Variants in HMCN2 observed in about 807,000 individuals in gnomAD.
HMCN2 encodes the protein hemicentin 2.
In HMCN2, 325 loss-of-function variants were observed where a neutral mutation model predicts 377.5. The ratio of observed to expected loss-of-function variants is 0.86; its 90% CI spans 0.79 to 0.94. HMCN2 has a LOEUF of 0.94. Among genes scored for constraint, HMCN2 ranks in the 40% least tolerant of loss-of-function variants. The pLI, the probability that HMCN2 is intolerant of heterozygous loss-of-function variation, is 0.00. For synonymous variants in HMCN2, 2,007 were observed against 2,046.8 expected, an observed-to-expected ratio of 0.98 and a Z score of 0.53; for missense variants, 4,543 against 4,725.3, an observed-to-expected ratio of 0.96 and a Z score of 1.13.
In HMCN2 at chr9:130,407,615, G is replaced by A. The variant is rs992258449; in HGVS notation, c.12598G>A (p.Ala4200Thr). 14 of 1,288,582 alleles carry A rather than the reference G, an allele frequency of 1.1e-5. No individual in the cohort carries two copies. The highest frequency in any genetic ancestry group is 3.7e-5 in the South Asian group (3 of 80,952). The allele number at this position is 1,288,582 out of a possible 1,614,324, so 79.8% of individuals were successfully genotyped here. The change falls in exon 83 of 98, where the codon GCT becomes ACT. Residue 4200 changes from alanine (A) to threonine (T), a missense_variant. Ala to Thr is a moderately conservative substitution (Grantham distance 58). Around this residue, in one of 5 missense-constraint regions of HMCN2, gnomAD observed 1,073 missense variants for 1,319.5 expected, o/e 0.81. Transcript: ENST00000683500. ...TGGAGGCAGCACGCTGCAGCGGGCC[G>A]CTGTCTCCAGAGAAGACAGCGGGAC... ...QDGGSTLQRA[A>T]VSREDSGTYV...
At chr9:130,384,033 C>T (rs1032284042) in intron 57 of HMCN2, among the ~76,000 whole-genome samples, 4 of 152,188 alleles carry the variant, frequency 2.6e-5, no homozygotes, top group African/African-American at 9.7e-5. Flanking sequence ...ATGACGTACA[C>T]CGCACTGCAG....
intron 23 of HMCN2, among the ~76,000 whole-genome samples, chr9:130,340,592 T>C (rs1838992641): frequency 6.7e-6 from 1 of 149,854 alleles, no homozygotes; most frequent in Non-Finnish European, 1.5e-5. Flanking sequence ...CAATCTCAGC[T>C]CACTGTAACC....
At chr9:130,402,967 G>A (rs1842926266) in intron 78 of HMCN2, 71 bp downstream of exon 78, 1 of 1,197,194 alleles carries the variant, frequency 8.4e-7, no homozygotes, top group African/African-American at 1.6e-5. Context: ...GAGGCAGGTG[G>A]GGCTCAGGAT....
intron 34 of HMCN2, among the ~76,000 whole-genome samples, chr9:130,356,973 G>C (rs959668991): frequency 6.6e-6 from 1 of 151,906 alleles, no homozygotes; most frequent in Admixed American, 6.6e-5. Flanking sequence ...TGGATGGATG[G>C]ATGGATGGAA....
intron 15 of HMCN2, among the ~76,000 whole-genome samples, chr9:130,315,834 G>C (rs1387393384): frequency 1.3e-5 from 2 of 152,136 alleles, no homozygotes; most frequent in Non-Finnish European, 2.9e-5. Context: ...TGGGTGGAGA[G>C]AGGAAGGACG....
chr9:130,277,685 CCATCATCATCACCACCACCACCAT>C (rs1834767863), intron 1 of HMCN2, among the ~76,000 whole-genome samples: 2 of 150,602 alleles, frequency 1.3e-5, no homozygotes, highest in East Asian at 1.9e-4. Flanking sequence ...ACTATTACCA[CCATCATCATCACCACCACCACCAT>C]CATCATCACC....
Position 130,393,121 on chromosome 9 carries a change from C to G in HMCN2, c.10137-91C>G, listed in dbSNP as rs1842422502. On this transcript the variant is annotated intron_variant, in intron 66 of 97. Transcript: ENST00000683500. The surrounding 1 kb of genome is among the most constrained non-coding windows in gnomAD (Gnocchi z 5.2). ...GGAAAAGGGAGGAAGTCTTTCCACG[C>G]AGCCAGCCTCTCCTGTCTCTCTCCC... 2.4e-6 allele frequency: 2 copies of G among 831,812 alleles called. No individual in the cohort carries two copies. Among genetic ancestry groups the G allele is most frequent in the Non-Finnish European group, 2.9e-6 (2 of 688,056 alleles). The allele number at this position is 831,812 out of a possible 1,614,324, so 51.5% of individuals were successfully genotyped here.
intron 21 of HMCN2, among the ~76,000 whole-genome samples, chr9:130,327,034 A>C (rs1467182685): frequency 2.0e-5 from 3 of 151,336 alleles, no homozygotes; most frequent in African/African-American, 7.3e-5. Context: ...GAGAAGGCAC[A>C]GACCGTAGGG....
At position 130,394,366 on chromosome 9, in the gene HMCN2, C is replaced by T. The variant is rs747545709; in HGVS notation, c.10502-19C>T. ...GAAATGTGTGTCAATTGTGTGTTCCCCTCCATGGTGGCTTGCAGAGCCCCC... is the reference window on the plus strand; with the variant it reads ...GAAATGTGTGTCAATTGTGTGTTCCTCTCCATGGTGGCTTGCAGAGCCCCC... On this transcript the variant is annotated intron_variant, in intron 68 of 97. Transcript: ENST00000683500. This position sits in a 1 kb window ranked among gnomAD's most constrained non-coding sequence, Gnocchi z 5.1. The T allele has an allele frequency of 2.3e-6, 3 of 1,283,614 alleles. No homozygotes were observed. The highest frequency in any genetic ancestry group is 1.0e-6 in the Non-Finnish European group (1 of 983,744). 79.5% of individuals were successfully genotyped at this position (1,283,614 alleles called of 1,614,324 possible).
chr9:130,301,776 G>A (rs1042494941), intron 8 of HMCN2, among the ~76,000 whole-genome samples: 3 of 152,254 alleles, frequency 2.0e-5, no homozygotes, highest in Admixed American at 1.3e-4. Context: ...CTCTGCTGGC[G>A]GGGATGGGGA....
Position 130,405,935 on chromosome 9 carries a change from A to C in HMCN2, c.12340-20A>C. The stretch of plus-strand genomic sequence containing the variant: ...CCGAGGTGGGGCAGTTCTCCGGCCA[A>C]CCCCTTTCTTTGCTCACAGGGCCAG... On this transcript the variant is annotated intron_variant, in intron 81 of 97. Transcript: ENST00000683500. 7.8e-7 allele frequency: 1 copy of C among 1,277,420 alleles called. No individual in the cohort carries two copies. 79.1% of individuals were successfully genotyped at this position (1,277,420 alleles called of 1,614,324 possible).
At chr9:130,359,077 C>T (rs530958427) in intron 36 of HMCN2, among the ~76,000 whole-genome samples, 40 of 152,168 alleles carry the variant, frequency 2.6e-4, no homozygotes, top group East Asian at 1.9e-3. Context: ...GTGCTGGCGT[C>T]GGCTGTCCTG....
In HMCN2 at chr9:130,357,998, G is replaced by A. The variant is rs1277951939; in HGVS notation, c.5580+10G>A. 1.5e-6 allele frequency: 2 copies of A among 1,299,804 alleles called. No individual in the cohort carries two copies. The highest frequency in any genetic ancestry group is 4.6e-5 in the Admixed American group (2 of 43,274). The allele number at this position is 1,299,804 out of a possible 1,614,324, so 80.5% of individuals were successfully genotyped here. ...TGGGGGGAACCTACAGGTATGTGCA[G>A]GGGCCCCAGGGCTGGCAAGCCAGCT... On this transcript the variant is annotated intron_variant, in intron 35 of 97. Coordinates refer to ENST00000683500, the MANE Select transcript of HMCN2 (RefSeq NM_001291815.2).
At chr9:130,330,277 G>T (rs1838361428) in intron 22 of HMCN2, among the ~76,000 whole-genome samples, 2 of 152,142 alleles carry the variant, frequency 1.3e-5, no homozygotes, top group African/African-American at 4.8e-5. Flanking sequence ...CTCCACGGCA[G>T]CCCCTTCTCC....
chr9:130,432,302 G>C (rs1185028953), intron 96 of HMCN2, 127 bp from the exon 97 acceptor site: 1 of 836,538 alleles, frequency 1.2e-6, no homozygotes, highest in Admixed American at 2.1e-5. Flanking sequence ...AGACTGGCTG[G>C]GGACAAAGGG....
intron 22 of HMCN2, among the ~76,000 whole-genome samples, chr9:130,335,454 C>T (rs1220006112): frequency 3.3e-5 from 5 of 152,120 alleles, no homozygotes; most frequent in Non-Finnish European, 4.4e-5. Flanking sequence ...TGTCTTCTCG[C>T]GTATTCCTTT....
intron 1 of HMCN2, among the ~76,000 whole-genome samples, chr9:130,266,894 G>C (rs1006496455): frequency 1.3e-5 from 2 of 152,164 alleles, no homozygotes; most frequent in Admixed American, 1.3e-4. Context: ...CAGGGACAGC[G>C]GTTGCTGAGT....
intron 31 of HMCN2, among the ~76,000 whole-genome samples, chr9:130,354,538 A>G (rs1839915913): frequency 6.6e-6 from 1 of 152,106 alleles, no homozygotes; most frequent in Non-Finnish European, 1.5e-5. Flanking sequence ...GGGGATGGAG[A>G]GGCAACAGTC....
chr9:130,324,220 A>T (rs990633673), intron 19 of HMCN2, among the ~76,000 whole-genome samples: 3,070 of 152,116 alleles, frequency 0.02, 47 homozygotes, highest in Middle Eastern at 0.037. Context: ...TCTGCCTCCT[A>T]TCTCTATGAA....
Sources: gnomAD v4.1 joint callset for allele counts (sites outside exome capture counted in the v4.1 genomes callset) on GRCh38, gnomAD v4.1.1 for gene constraint, gnomAD v4.1.1 regional missense constraint, Gnocchi (gnomAD v3.1) non-coding constraint, MANE v1.5 for transcripts, NCBI Gene and HGNC (gene_info 2026-07-23, HGNC 2026-07-21) for gene names.